ZMIZ1: variants seen among roughly 807,000 people sequenced by gnomAD.
ZMIZ1 encodes the protein zinc finger MIZ-type containing 1, also known as zinc finger MIZ domain-containing protein 1.
ZMIZ1 carries 17 observed loss-of-function variants against 113.9 expected under a neutral mutation model. That is an observed-to-expected ratio of 0.15 (90% CI 0.10 to 0.22). ZMIZ1 has a LOEUF of 0.22. Among genes scored for constraint, ZMIZ1 ranks in the 10% least tolerant of loss-of-function variants. The pLI is 1.00. For synonymous variants in ZMIZ1, 607 were observed against 603.1 expected, an observed-to-expected ratio of 1.01 and a Z score of -0.09; for missense variants, 1,059 against 1,477.8, an observed-to-expected ratio of 0.72 and a Z score of 4.65.
intron 7 of ZMIZ1, among the ~76,000 whole-genome samples, chr10:79,231,079 C>T (rs967823583): frequency 1.3e-5 from 2 of 152,180 alleles, no homozygotes; most frequent in African/African-American, 4.8e-5. Context: ...CACAGCTAGG[C>T]AGATGACACA....
chr10:79,232,747 T>C (rs1849441587), intron 7 of ZMIZ1, among the ~76,000 whole-genome samples: 1 of 152,204 alleles, frequency 6.6e-6, no homozygotes, highest in Admixed American at 6.5e-5. Context: ...CATCCTCTCC[T>C]TTCAGCTTTA....
At chr10:79,268,893 A>G (rs1214878355) in intron 7 of ZMIZ1, among the ~76,000 whole-genome samples, 1 of 152,162 alleles carries the variant, frequency 6.6e-6, no homozygotes, top group Non-Finnish European at 1.5e-5. Context: ...AATTCAGAGG[A>G]GAACCGGCAG....
chr10:79,092,012 A>G (rs920414090), intron 1 of ZMIZ1, among the ~76,000 whole-genome samples: 3 of 151,986 alleles, frequency 2.0e-5, no homozygotes, highest in Admixed American at 6.5e-5. Flanking sequence ...ACTGGGTGGG[A>G]TGGGGCAGGG....
At chr10:79,289,661 G>A (rs1175555344) in intron 8 of ZMIZ1, 114 bp from the exon 9 acceptor site, 2 of 926,080 alleles carry the variant, frequency 2.2e-6, no homozygotes, top group Non-Finnish European at 1.7e-6. Context: ...GACTCGGATG[G>A]GGGTTACCTT....
chr10:79,076,514 A>G (rs1304444077), intron 1 of ZMIZ1, among the ~76,000 whole-genome samples: 1 of 152,144 alleles, frequency 6.6e-6, no homozygotes, highest in Non-Finnish European at 1.5e-5. Flanking sequence ...ATGTGTCTTT[A>G]CAGGGTGGTT....
In ZMIZ1 at chr10:79,310,665, C is replaced by T. The variant is rs376889093; in HGVS notation, c.2836-259C>T. 4.6e-5 allele frequency among the ~76,000 whole-genome samples: 7 copies of T among 152,206 alleles called. No homozygotes were observed. The East Asian group carries it at 7.7e-4, about 17-fold the overall frequency. ...CAGCTCCCCGTGTCTGTGCTTGTGT[C>T]GAAGCCCTCCCCACCTCCTGGGGCT... On this transcript the variant is annotated intron_variant, in intron 23 of 24. Coordinates refer to ENST00000334512, the MANE Select transcript of ZMIZ1 (RefSeq NM_020338.4).
rs372567005 is a variant in ZMIZ1, at chr10:79,222,536, G to A, written c.280+6262G>A. The stretch of plus-strand genomic sequence containing the variant: ...TGTCCACAAACATCTCCTCAGCCTG[G>A]TTTCCCTGATGTTTTGACAGTCCCC... On this transcript the variant is annotated intron_variant, in intron 7 of 24. Transcript: ENST00000334512. Among the ~76,000 whole-genome samples, 18 of 152,286 alleles carry A rather than the reference G, an allele frequency of 1.2e-4. No homozygotes were observed. In the East Asian group the frequency reaches 2.3e-3, roughly 20 times the overall value.
chr10:79,216,299 G>A (rs548540258), intron 7 of ZMIZ1, 25 bp downstream of exon 7: 65 of 1,564,126 alleles, frequency 4.2e-5, no homozygotes, highest in East Asian at 1.2e-4. Context: ...GGGACTCTGC[G>A]ATGTCACTGG....
chr10:79,200,004 A>C (rs1314223595), intron 4 of ZMIZ1, among the ~76,000 whole-genome samples: 2 of 152,202 alleles, frequency 1.3e-5, no homozygotes, highest in African/African-American at 4.8e-5. Flanking sequence ...AGGACTTGGC[A>C]CATCTGGGGC....
intron 8 of ZMIZ1, among the ~76,000 whole-genome samples, chr10:79,280,702 G>A (rs142944185): frequency 1.4e-5 from 2 of 148,008 alleles, no homozygotes; most frequent in Non-Finnish European, 3.0e-5. Flanking sequence ...TTCTTCTGAT[G>A]ACTGCCCTCT....
At chr10:79,215,204 G>A (rs1206616771) in intron 6 of ZMIZ1, among the ~76,000 whole-genome samples, 4 of 152,298 alleles carry the variant, frequency 2.6e-5, no homozygotes, top group Admixed American at 6.5e-5. Flanking sequence ...TGCTTGGCAC[G>A]GAGCAGCATT....
At chr10:79,284,370 A>G (rs1852927591) in intron 8 of ZMIZ1, among the ~76,000 whole-genome samples, 1 of 152,080 alleles carries the variant, frequency 6.6e-6, no homozygotes, top group African/African-American at 2.4e-5. Context: ...TATGGATAGA[A>G]GTTTGCTGGC....
rs761586997 is a variant in ZMIZ1, at chr10:79,289,756, CCT to C, written c.426-16_426-15del. 10 of 1,608,478 alleles carry C rather than the reference CCT, an allele frequency of 6.2e-6. No homozygotes were observed. Among genetic ancestry groups the C allele is most frequent in the East Asian group, 2.2e-5 (1 of 44,788 alleles). The stretch of plus-strand genomic sequence containing the variant: ...GTGCCTGCCAGGCCCTGAAGATCTC[CCT>C]CTGTCTCCCTCTGCAGTGATGGGTC... On this transcript the variant is annotated splice_polypyrimidine_tract_variant and intron_variant, in intron 8 of 24. Coordinates refer to ENST00000334512, the MANE Select transcript of ZMIZ1 (RefSeq NM_020338.4).
In ZMIZ1 at chr10:79,314,170, C is replaced by T. The variant is rs1396414391; in HGVS notation, c.*1421C>T. On this transcript the variant is annotated 3_prime_UTR_variant, in exon 25 of 25. Coordinates refer to ENST00000334512, the MANE Select transcript of ZMIZ1 (RefSeq NM_020338.4). ...CCACCGCTTTGCTCCATCTGGCTTA[C>T]CACTCTCCAGGGCCTCCTGGGGAGC... 3 of 456,974 alleles carry T rather than the reference C, an allele frequency of 6.6e-6. No individual in the cohort carries two copies. Among genetic ancestry groups the T allele is most frequent in the Non-Finnish European group, 1.3e-5 (3 of 227,032 alleles). The allele number at this position is 456,974 out of a possible 1,614,324, so 28.3% of individuals were successfully genotyped here.
At chr10:79,111,306 G>A (rs2486695) in intron 1 of ZMIZ1, among the ~76,000 whole-genome samples, 40,591 of 152,190 alleles carry the variant, frequency 0.27, 6,691 homozygotes, top group Non-Finnish European at 0.38. Flanking sequence ...GGGCAGGCAA[G>A]GGAGGAGGCA....
chr10:79,191,988 A>C (rs1847626704), intron 4 of ZMIZ1, among the ~76,000 whole-genome samples: 1 of 152,232 alleles, frequency 6.6e-6, no homozygotes, highest in African/African-American at 2.4e-5. Context: ...GAGGAAACAA[A>C]GTGTAGGGGT....
Position 79,296,387 on chromosome 10 carries a change from C to A in ZMIZ1, c.1231-84C>A. 1 of 1,452,112 alleles carries A rather than the reference C, an allele frequency of 6.9e-7. No individual in the cohort carries two copies. The highest frequency in any genetic ancestry group is 1.2e-5 in the South Asian group (1 of 82,422). The allele number at this position is 1,452,112 out of a possible 1,614,324, so 90.0% of individuals were successfully genotyped here. The stretch of plus-strand genomic sequence containing the variant: ...GCAGGAGCAAATGAGGAGAGGCGGG[C>A]CCCATCCCGTTGTTCAGGTGACCTG... On this transcript the variant is annotated intron_variant, in intron 12 of 24. Transcript: ENST00000334512. The surrounding 1 kb of genome is among the most constrained non-coding windows in gnomAD (Gnocchi z 4.1).
rs376910119 is a variant in ZMIZ1, at chr10:79,172,093, C to G, written c.-50+9960C>G. Reference sequence around the variant, plus strand: ...GCAGCAGGGATGAGGAGATAGGGTGCGAGGCCTCTGGGGCAGGGGCAGGGC... The same window carrying G: ...GCAGCAGGGATGAGGAGATAGGGTGGGAGGCCTCTGGGGCAGGGGCAGGGC... On this transcript the variant is annotated intron_variant, in intron 4 of 24. Coordinates refer to ENST00000334512, the MANE Select transcript of ZMIZ1 (RefSeq NM_020338.4). 9.9e-5 allele frequency among the ~76,000 whole-genome samples: 15 copies of G among 152,142 alleles called. No individual in the cohort carries two copies. In the East Asian group the frequency reaches 2.3e-3, roughly 23 times the overall value.
intron 7 of ZMIZ1, among the ~76,000 whole-genome samples, chr10:79,235,826 AG>A (rs1313756960): frequency 2.0e-5 from 3 of 152,056 alleles, no homozygotes; most frequent in Non-Finnish European, 4.4e-5. Context: ...TGCAGTTTGC[AG>A]GGCATGCCCT....
Sources: gnomAD v4.1 joint callset for allele counts (sites outside exome capture counted in the v4.1 genomes callset) on GRCh38, gnomAD v4.1.1 for gene constraint, Gnocchi (gnomAD v3.1) non-coding constraint, MANE v1.5 for transcripts, NCBI Gene and HGNC (gene_info 2026-07-23, HGNC 2026-07-21) for gene names.